Variants in HDAC2 observed in about 807,000 individuals in gnomAD.
HDAC2 encodes the protein YY1-associated factor 1.
HDAC2 carries 5 observed loss-of-function variants against 68.5 expected under a neutral mutation model. The observed-to-expected ratio is 0.07, with a 90% confidence interval of 0.04 to 0.15. HDAC2 has a LOEUF of 0.15. Ranked by LOEUF, HDAC2 falls within the 10% of genes least tolerant of loss-of-function variation. The probability of loss-of-function intolerance (pLI) is 1.00; values close to 1 mark genes in which losing one functional copy is unlikely to be tolerated. For missense variants in HDAC2, 291 were observed against 600.8 expected (o/e 0.48, Z 5.39); for synonymous variants, 182 against 191.3 (o/e 0.95, Z 0.40).
At chr6:113,949,450 A>G in intron 6 of HDAC2, 190 bp from the exon 7 acceptor site, 1 of 585,182 alleles carries the variant, frequency 1.7e-6, no homozygotes, top group Non-Finnish European at 3.1e-6. Flanking sequence ...ATATGCTCCA[A>G]TATTTATAGA....
At chr6:113,942,137 T>C (rs1776150324) in intron 12 of HDAC2, among the ~76,000 whole-genome samples, 1 of 151,852 alleles carries the variant, frequency 6.6e-6, no homozygotes, top group African/African-American at 2.4e-5. Context: ...ACAGAAAAGA[T>C]AAAGCTTTTA....
rs1776091337 is a variant in HDAC2 at position 113,939,855 on chromosome 6, A to G, written c.*1203T>C. On this transcript the variant is annotated 3_prime_UTR_variant, in exon 14 of 14. Transcript: ENST00000519065. ...CTAGGTGCTATTGTGAATGTCTGAA[A>G]CATTTAAGAGGCTTGTAGAGAAATA... 6.6e-6 allele frequency: 1 copy of G among 152,194 alleles called. No homozygotes were observed. Among genetic ancestry groups the G allele is most frequent in the East Asian group, 1.9e-4 (1 of 5,194 alleles). 9.4% of individuals were successfully genotyped at this position (152,194 alleles called of 1,614,324 possible).
chr6:113,947,716 C>T (rs1317757635), intron 8 of HDAC2: 1 of 152,094 alleles, frequency 6.6e-6, no homozygotes, highest in Non-Finnish European at 1.5e-5. Flanking sequence ...GCGGTTCAAC[C>T]ACTGTTGACC....
chr6:113,953,341 T>A lies in HDAC2; in HGVS notation c.575A>T (p.Asp192Val). 2 of 1,601,054 alleles carry A rather than the reference T, an allele frequency of 1.2e-6. No individual in the cohort carries two copies. Among genetic ancestry groups the A allele is most frequent in the Non-Finnish European group, 1.7e-6 (2 of 1,168,294 alleles). Reference protein sequence around the residue: ...DGVEEAFYTTDRVMTVSFHKY... With the variant: ...DGVEEAFYTTVRVMTVSFHKY... The stretch of plus-strand genomic sequence containing the variant: ...ATGGAATGATACCGTCATTACACGA[T>A]CTGTTGTATAAAAAGCTTCTTCAAC... The change falls in exon 6 of 14, where the codon GAT becomes GTT. Residue 192 changes from aspartate (D) to valine (V), a missense_variant. Physicochemically the swap from Asp to Val is radical, Grantham distance 152. Coordinates refer to ENST00000519065, the MANE Select transcript of HDAC2 (RefSeq NM_001527.4).
intron 13 of HDAC2, 67 bp downstream of exon 13, chr6:113,941,641 C>A (rs926632120): frequency 3.3e-6 from 2 of 603,894 alleles, no homozygotes; most frequent in Non-Finnish European, 5.7e-6. Context: ...TACACAAACA[C>A]ACACCAATAA....
chr6:113,947,834 A>C (rs1203260380), intron 8 of HDAC2: 1 of 152,168 alleles, frequency 6.6e-6, no homozygotes, highest in Non-Finnish European at 1.5e-5. Flanking sequence ...TAAATAAAGA[A>C]GCTTTTAATA....
chr6:113,942,540 A>G (rs551178000), intron 12 of HDAC2, among the ~76,000 whole-genome samples: 83 of 152,276 alleles, frequency 5.5e-4, no homozygotes, highest in African/African-American at 1.9e-3. Flanking sequence ...CAGGATCAAA[A>G]TTAACAGGTT....
intron 8 of HDAC2, chr6:113,946,666 T>C (rs7751049): frequency 6.6e-6 from 1 of 152,130 alleles, no homozygotes; most frequent in Non-Finnish European, 1.5e-5. Flanking sequence ...CTATTAATTT[T>C]CAAAAACTTC....
chr6:113,962,645 G>A (rs1776712190), intron 1 of HDAC2, among the ~76,000 whole-genome samples: 1 of 152,168 alleles, frequency 6.6e-6, no homozygotes, highest in African/African-American at 2.4e-5. Context: ...GGGCAGCCAA[G>A]CTACAGATAA....
intron 2 of HDAC2, 99 bp downstream of exon 2, chr6:113,959,807 C>T (rs930210530): frequency 1.1e-5 from 7 of 645,286 alleles, no homozygotes; most frequent in South Asian, 2.0e-5. Flanking sequence ...TTTTCATCTG[C>T]TAAATGCCCT....
chr6:113,962,423 AAT>A, intron 1 of HDAC2: 1 of 676,852 alleles, frequency 1.5e-6, no homozygotes, highest in East Asian at 1.3e-4. Context: ...ATGAAATATA[AAT>A]ATTTTAAATA....
At position 113,956,029 on chromosome 6, in the gene HDAC2, T is replaced by C. The variant is rs1776545967; in HGVS notation, c.481A>G (p.Ile161Val). Residue 161 changes from isoleucine to valine, a missense_variant, in exon 5 of 14, where the codon ATC (isoleucine) becomes GTC (valine). Around this residue, in one of 2 missense-constraint regions of HDAC2, gnomAD observed 154 missense variants for 472.1 expected, o/e 0.33. Transcript: ENST00000519065. The stretch of plus-strand genomic sequence containing the variant: ...TTAACATACTTTAGTAATTCAAGGA[T>C]GGCAAGCACAATATCATTAACGTAA... ...FCYVNDIVLA[I>V]LELLKYHQRV... The C allele has an allele frequency of 6.2e-7, 1 of 1,602,994 alleles. No individual in the cohort carries two copies. The highest frequency in any genetic ancestry group is 1.7e-4 in the Middle Eastern group (1 of 6,020).
Position 113,950,615 on chromosome 6 carries a change from C to T in HDAC2, c.640-1355G>A, listed in dbSNP as rs1368605541. 2.0e-5 allele frequency among the ~76,000 whole-genome samples: 3 copies of T among 148,966 alleles called. No individual in the cohort carries two copies. In the Admixed American group the frequency reaches 2.0e-4, roughly 10 times the overall value. Reference sequence around the variant, plus strand: ...TTCACCATATTGGTCAGGCTGGTCTCGAACTCTCGACCTCAGGTAATCCAC... The same window carrying T: ...TTCACCATATTGGTCAGGCTGGTCTTGAACTCTCGACCTCAGGTAATCCAC... On this transcript the variant is annotated intron_variant, in intron 6 of 13. Transcript: ENST00000519065.
intron 12 of HDAC2, among the ~76,000 whole-genome samples, chr6:113,942,359 T>C (rs1001352968): frequency 1.3e-5 from 2 of 151,680 alleles, no homozygotes; most frequent in Non-Finnish European, 2.9e-5. Flanking sequence ...ATGTAGCCTA[T>C]TGAGGAGTGA....
At chr6:113,967,311 T>A (rs1776846921) in intron 1 of HDAC2, among the ~76,000 whole-genome samples, 1 of 152,160 alleles carries the variant, frequency 6.6e-6, no homozygotes, top group Non-Finnish European at 1.5e-5. Flanking sequence ...GTATTTTTAG[T>A]AGAGACGGGG....
chr6:113,966,170 C>G lies in HDAC2; in HGVS notation c.52+4687G>C, dbSNP rs575911740. On this transcript the variant is annotated intron_variant, in intron 1 of 13. Coordinates refer to ENST00000519065, the MANE Select transcript of HDAC2 (RefSeq NM_001527.4). ...TTCATCTAAACAATACCAAAAATGC[C>G]AAAATGCCACCCATCCTACCTAAAT... 9.2e-5 allele frequency among the ~76,000 whole-genome samples: 14 copies of G among 152,222 alleles called. No individual in the cohort carries two copies. The East Asian group carries it at 2.7e-3, about 29-fold the overall frequency.
chr6:113,963,171 C>T (rs1776729905), intron 1 of HDAC2, among the ~76,000 whole-genome samples: 1 of 151,504 alleles, frequency 6.6e-6, no homozygotes, highest in Non-Finnish European at 1.5e-5. Flanking sequence ...GCAACCTCCA[C>T]CTCTGGGGTT....
intron 1 of HDAC2, among the ~76,000 whole-genome samples, chr6:113,961,199 A>G (rs186877377): frequency 4.3e-4 from 66 of 152,272 alleles, no homozygotes; most frequent in African/African-American, 1.6e-3. Flanking sequence ...CTAGAATAAA[A>G]AATGCAATTT....
At chr6:113,970,356 G>C (rs1776954702) in intron 1 of HDAC2, 3 of 617,696 alleles carry the variant, frequency 4.9e-6, no homozygotes, top group Non-Finnish European at 6.1e-6. Flanking sequence ...GAGGAGGGAA[G>C]GGGACGGGAG....
Sources: gnomAD v4.1 joint callset for allele counts (sites outside exome capture counted in the v4.1 genomes callset) on GRCh38, gnomAD v4.1.1 for gene constraint, gnomAD v4.1.1 regional missense constraint, MANE v1.5 for transcripts, NCBI Gene and HGNC (gene_info 2026-07-23, HGNC 2026-07-21) for gene names.